Variants in EPG5 observed in about 807,000 individuals in gnomAD.
The protein encoded by EPG5 is ectopic P-granules 5 autophagy tethering factor, also known as ectopic P granules protein 5 homolog.
A neutral mutation model predicts 302.7 loss-of-function variants in EPG5; 159 were observed. The observed-to-expected ratio is 0.53, with a 90% CI of 0.46 to 0.60. The LOEUF (loss-of-function observed/expected upper bound fraction) is 0.60, where lower values mean the gene tolerates loss of function less well. Ranked by LOEUF, EPG5 falls within the 20% of genes least tolerant of loss-of-function variation. EPG5 has a pLI of 0.00. For synonymous variants in EPG5, 1,158 were observed against 1,136.8 expected, an observed-to-expected ratio of 1.02 and a Z score of -0.37; for missense variants, 2,896 against 3,092.4, an observed-to-expected ratio of 0.94 and a Z score of 1.51.
the EPG5 span, among the ~76,000 whole-genome samples, chr18:45,827,863 G>A: frequency 6.6e-6 from 1 of 152,222 alleles, no homozygotes; most frequent in African/African-American, 2.4e-5. Flanking sequence ...AGGATTTAGA[G>A]GAAGCATGGG....
intron 19 of EPG5, 78 bp downstream of exon 19, chr18:45,915,931 G>A (rs1568151186): frequency 1.5e-6 from 2 of 1,300,146 alleles, no homozygotes; most frequent in East Asian, 5.0e-5. Context: ...ACTGAAAACT[G>A]TACTTGGGGG....
At chr18:45,909,041 T>C (rs2049828461) in intron 23 of EPG5, among the ~76,000 whole-genome samples, 1 of 152,140 alleles carries the variant, frequency 6.6e-6, no homozygotes, top group Non-Finnish European at 1.5e-5. Context: ...TTACCAGCAG[T>C]GCTAGAAAAA....
chr18:45,960,284 G>A (rs1447404341), intron 1 of EPG5, among the ~76,000 whole-genome samples: 2 of 152,088 alleles, frequency 1.3e-5, no homozygotes, highest in Non-Finnish European at 2.9e-5. Flanking sequence ...AAAAATCAGA[G>A]ACAAGGTCTC....
chr18:45,949,407 TCAGCA>T, intron 5 of EPG5, 72 bp downstream of exon 5: 1 of 779,964 alleles, frequency 1.3e-6, no homozygotes, highest in Non-Finnish European at 2.1e-6. Flanking sequence ...CCTTTTTTTT[TCAGCA>T]ATTTCTTCAG....
chr18:45,912,443 T>G lies in EPG5; in HGVS notation c.3830A>C (p.Gln1277Pro). 1.3e-6 allele frequency: 2 copies of G among 1,599,966 alleles called. No individual in the cohort carries two copies. Among genetic ancestry groups the G allele is most frequent in the Non-Finnish European group, 1.7e-6 (2 of 1,175,264 alleles). ...GGATGGCACGATGGGGAGCTTCAGC[T>G]GGGTCTGGGCTTTCTACAAAAAAGA... is the stretch of plus-strand genomic sequence containing the variant. ...PDQALKKAQT[Q>P]LKLPIVPSLQ... Residue 1277 changes from glutamine (Q) to proline (P), a missense_variant, in exon 22 of 44, where the codon CAG becomes CCG. Gln to Pro is a moderately conservative substitution (Grantham distance 76). This residue lies in a region of EPG5 where 64 missense variants were observed against 101.8 expected (regional missense o/e 0.63). Transcript: ENST00000282041.
intron 13 of EPG5, among the ~76,000 whole-genome samples, chr18:45,927,548 C>A (rs2050300123): frequency 6.6e-6 from 1 of 151,108 alleles, no homozygotes; most frequent in Non-Finnish European, 1.5e-5. Flanking sequence ...AAGGCAGAAG[C>A]AACCCAAGTC....
the EPG5 span, chr18:45,840,240 C>T: frequency 4.2e-5 from 68 of 1,612,124 alleles, no homozygotes; most frequent in Non-Finnish European, 5.4e-5. Context: ...CACCCCACCA[C>T]GGTAAGTGAG....
chr18:45,831,286 T>C, the EPG5 span, among the ~76,000 whole-genome samples: 2 of 152,242 alleles, frequency 1.3e-5, no homozygotes, highest in Non-Finnish European at 1.5e-5. Flanking sequence ...TCTTTGACAC[T>C]GTACATTTAT....
At chr18:45,808,120 A>C in the EPG5 span, among the ~76,000 whole-genome samples, 1 of 152,222 alleles carries the variant, frequency 6.6e-6, no homozygotes, top group Non-Finnish European at 1.5e-5. Context: ...GAACAAGTAG[A>C]AGAAAGAAAT....
rs2145125168 is a variant in EPG5, at chr18:45,849,397, AGAGT to A, written c.*3066_*3069del. On this transcript the variant is annotated 3_prime_UTR_variant, in exon 44 of 44. Transcript: ENST00000282041. ...AGAGGAGAGGCAGGAGGATCCCTGCAGAGTGAGAGGGGCACTAGATGAACGTGAA... is the reference window on the plus strand; with the variant it reads ...AGAGGAGAGGCAGGAGGATCCCTGCAGAGAGGGGCACTAGATGAACGTGAA... 6.6e-6 allele frequency: 1 copy of A among 152,456 alleles called. No homozygotes were observed. Among genetic ancestry groups the A allele is most frequent in the African/African-American group, 2.4e-5 (1 of 41,596 alleles). 9.4% of individuals were successfully genotyped at this position (152,456 alleles called of 1,614,324 possible). A position where few individuals can be genotyped will look rare whatever the true frequency, so the allele number is the denominator to read the frequency against.
chr18:45,861,899 G>A (rs1377437164), intron 39 of EPG5, among the ~76,000 whole-genome samples: 1 of 151,616 alleles, frequency 6.6e-6, no homozygotes, highest in African/African-American at 2.4e-5. Context: ...GATGTAGCTG[G>A]GTCTAAATCT....
In EPG5 at chr18:45,870,636, A is replaced by G. The variant is rs1460224042; in HGVS notation, c.6156T>C (p.His2052=). 6 of 1,614,074 alleles carry G rather than the reference A, an allele frequency of 3.7e-6. No individual in the cohort carries two copies. Among genetic ancestry groups the G allele is most frequent in the South Asian group, 3.3e-5 (3 of 91,080 alleles). The change falls in exon 36 of 44, where the codon CAT becomes CAC. Residue 2052 remains histidine (H), a synonymous_variant. Coordinates refer to ENST00000282041, the MANE Select transcript of EPG5 (RefSeq NM_020964.3). The part of the protein sequence containing the change: ...KMPEFILYAF[H]STYRKLPWKD... ...TCCATGGCAGTTTCCGGTACGTGCT[A>G]TGGAAAGCGTACAGAATGAACTCTG...
At chr18:45,886,832 A>G (rs544993410) in intron 29 of EPG5, among the ~76,000 whole-genome samples, 1 of 152,172 alleles carries the variant, frequency 6.6e-6, no homozygotes, top group South Asian at 2.1e-4. Flanking sequence ...CTAATTTTGT[A>G]TTTATAGTAG....
At chr18:45,876,852 T>C (rs1311986538) in intron 34 of EPG5, among the ~76,000 whole-genome samples, 1 of 152,114 alleles carries the variant, frequency 6.6e-6, no homozygotes, top group Admixed American at 6.5e-5. Context: ...GGCACGATCT[T>C]GGCTCACTGC....
At chr18:45,802,576 CA>C in the EPG5 span, among the ~76,000 whole-genome samples, 2 of 152,048 alleles carry the variant, frequency 1.3e-5, no homozygotes, top group African/African-American at 2.4e-5. Context: ...TCCAAACTTC[CA>C]ACCCCACCCC....
chr18:45,954,435 T>G lies in EPG5; in HGVS notation c.967A>C (p.Ser323Arg). The G allele has an allele frequency of 6.2e-7, 1 of 1,613,796 alleles. No individual in the cohort carries two copies. Among genetic ancestry groups the G allele is most frequent in the African/African-American group, 1.3e-5 (1 of 75,066 alleles). ...TCCTCCTTAAACTGCCACAGCCGACTTTTAGCATTTTGGCAATCAGATGTC... is the reference window on the plus strand; with the variant it reads ...TCCTCCTTAAACTGCCACAGCCGACGTTTAGCATTTTGGCAATCAGATGTC... ...TLTSDCQNAKSRLWQFKEEQM... is the reference protein window; with the variant it reads ...TLTSDCQNAKRRLWQFKEEQM... Residue 323 changes from serine (S) to arginine (R), a missense_variant, in exon 2 of 44, where the codon AGT becomes CGT. Ser to Arg is a moderately radical substitution (Grantham distance 110, BLOSUM62 -1). This residue lies in a region of EPG5 where 1,390 missense variants were observed against 1,430.0 expected (regional missense o/e 0.97). Coordinates refer to ENST00000282041, the MANE Select transcript of EPG5 (RefSeq NM_020964.3).
At chr18:45,921,251 T>C (rs1434760309) in intron 16 of EPG5, among the ~76,000 whole-genome samples, 1 of 152,256 alleles carries the variant, frequency 6.6e-6, no homozygotes, top group Non-Finnish European at 1.5e-5. Flanking sequence ...TTGCAACTGG[T>C]ATCCCACTGA....
chr18:45,955,436 A>C (rs773151351), intron 1 of EPG5, 98 bp from the exon 2 acceptor site: 3 of 821,246 alleles, frequency 3.7e-6, no homozygotes, highest in Non-Finnish European at 5.6e-6. Context: ...AAATTTCATC[A>C]TGTAACAAAT....
the EPG5 span, chr18:45,837,513 G>T: frequency 1.5e-5 from 22 of 1,491,062 alleles, no homozygotes; most frequent in East Asian, 5.9e-4. Flanking sequence ...CCGCCCTCAG[G>T]CTCGCCAGCG....
Sources: gnomAD v4.1 joint callset for allele counts (sites outside exome capture counted in the v4.1 genomes callset) on GRCh38, gnomAD v4.1.1 for gene constraint, gnomAD v4.1.1 regional missense constraint, MANE v1.5 for transcripts, NCBI Gene and HGNC (gene_info 2026-07-23, HGNC 2026-07-21) for gene names.